Variants in CNTNAP2 observed in about 807,000 individuals in gnomAD.
CNTNAP2 encodes contactin-associated protein-like 2.
Under a neutral mutation model 155.2 loss-of-function variants are expected in CNTNAP2, and 98 were observed. The ratio of observed to expected loss-of-function variants is 0.63; its 90% confidence interval spans 0.54 to 0.75. The LOEUF (loss-of-function observed/expected upper bound fraction) is 0.75, where lower values mean the gene tolerates loss of function less well. Ranked by LOEUF, CNTNAP2 falls within the 30% of genes least tolerant of loss-of-function variation. The pLI is 0.00. For synonymous variants in CNTNAP2, 651 were observed against 631.2 expected (o/e 1.03, Z -0.47); for missense variants, 1,727 against 1,688.1 (o/e 1.02, Z -0.40).
chr7:148,100,732 C>T (rs1201571640), intron 15 of CNTNAP2, among the ~76,000 whole-genome samples: 1 of 152,276 alleles, frequency 6.6e-6, no homozygotes, highest in African/African-American at 2.4e-5. Flanking sequence ...TAAATGTATA[C>T]ATTGTGGTTA....
At chr7:148,300,783 A>G (rs10229146) in intron 21 of CNTNAP2, among the ~76,000 whole-genome samples, 57,150 of 152,018 alleles carry the variant, frequency 0.38, 11,739 homozygotes, top group South Asian at 0.56. Flanking sequence ...CAAATACTGT[A>G]TGATTCCATT....
At chr7:147,556,546 A>C (rs889788551) in intron 11 of CNTNAP2, among the ~76,000 whole-genome samples, 1 of 152,192 alleles carries the variant, frequency 6.6e-6, no homozygotes, top group South Asian at 2.1e-4. Flanking sequence ...GAAAGAGACT[A>C]TGAAAGCAGA....
chr7:147,519,049 A>G (rs915929984), intron 11 of CNTNAP2, among the ~76,000 whole-genome samples: 1 of 148,214 alleles, frequency 6.7e-6, no homozygotes, highest in African/African-American at 2.5e-5. Context: ...AAAAAAAATT[A>G]TGCTGCAGTT....
chr7:146,658,503 T>A (rs923067183), intron 1 of CNTNAP2, among the ~76,000 whole-genome samples: 14 of 152,164 alleles, frequency 9.2e-5, no homozygotes, highest in Admixed American at 6.5e-5. Flanking sequence ...TTTTGTTTAC[T>A]TCTGCATGGA....
intron 10 of CNTNAP2, among the ~76,000 whole-genome samples, chr7:147,398,504 A>G (rs1029398117): frequency 2.0e-5 from 3 of 151,190 alleles, no homozygotes; most frequent in African/African-American, 7.3e-5. Flanking sequence ...TCACAGCTGC[A>G]ATGATTTGAT....
chr7:146,131,563 A>T (rs1246012988), intron 1 of CNTNAP2, among the ~76,000 whole-genome samples: 1 of 152,218 alleles, frequency 6.6e-6, no homozygotes, highest in East Asian at 1.9e-4. Context: ...GTGTTATAAC[A>T]AGATTGTTTC....
At chr7:146,328,948 GTTGT>G (rs1441662120) in intron 1 of CNTNAP2, among the ~76,000 whole-genome samples, 2 of 152,142 alleles carry the variant, frequency 1.3e-5, no homozygotes, top group Admixed American at 6.5e-5. Flanking sequence ...GGACACGTAG[GTTGT>G]TTATGTATTT....
At chr7:147,487,700 A>G (rs959043382) in intron 11 of CNTNAP2, among the ~76,000 whole-genome samples, 1 of 115,736 alleles carries the variant, frequency 8.6e-6, no homozygotes, top group Non-Finnish European at 1.7e-5. Flanking sequence ...CACAGCAAAA[A>G]GGCAAAAAAA....
At chr7:146,208,477 T>C (rs879605935) in intron 1 of CNTNAP2, among the ~76,000 whole-genome samples, 8 of 152,076 alleles carry the variant, frequency 5.3e-5, no homozygotes, top group Non-Finnish European at 1.0e-4. Flanking sequence ...GGCATGTCCT[T>C]ACCCTTTGAT....
intron 2 of CNTNAP2, among the ~76,000 whole-genome samples, chr7:146,821,173 T>TA (rs1402468406): frequency 6.6e-6 from 1 of 152,202 alleles, no homozygotes; most frequent in Non-Finnish European, 1.5e-5. Flanking sequence ...CATTTAAAGT[T>TA]AATATTGTTA....
chr7:147,953,392 T>C (rs73743668), intron 14 of CNTNAP2, among the ~76,000 whole-genome samples: 1 of 152,078 alleles, frequency 6.6e-6, no homozygotes. Flanking sequence ...CCACAGATGC[T>C]CTTCTTTCCT....
intron 13 of CNTNAP2, among the ~76,000 whole-genome samples, chr7:147,665,180 A>T (rs1379910915): frequency 2.0e-5 from 3 of 152,170 alleles, no homozygotes; most frequent in African/African-American, 7.2e-5. Flanking sequence ...CTGAAACTAT[A>T]GGTGTATTTT....
intron 3 of CNTNAP2, among the ~76,000 whole-genome samples, chr7:146,852,011 A>G (rs981541883): frequency 6.6e-6 from 1 of 151,842 alleles, no homozygotes; most frequent in Non-Finnish European, 1.5e-5. Flanking sequence ...TATGGCATTC[A>G]TTTTACAAAA....
intron 8 of CNTNAP2, among the ~76,000 whole-genome samples, chr7:147,149,744 A>C (rs1261591628): frequency 6.6e-6 from 1 of 152,214 alleles, no homozygotes; most frequent in Non-Finnish European, 1.5e-5. Flanking sequence ...TAGATAGAAC[A>C]GAAGGTTATA....
chr7:146,689,795 C>A (rs1316187954), intron 1 of CNTNAP2, among the ~76,000 whole-genome samples: 1 of 151,968 alleles, frequency 6.6e-6, no homozygotes, highest in Non-Finnish European at 1.5e-5. Flanking sequence ...TTTCTGGAAA[C>A]TTTTATGTGA....
intron 1 of CNTNAP2, among the ~76,000 whole-genome samples, chr7:146,154,402 A>G (rs1584775994): frequency 6.6e-6 from 1 of 152,136 alleles, no homozygotes; most frequent in Non-Finnish European, 1.5e-5. Context: ...TTGTTTCATC[A>G]TATGCACCAG....
At position 146,744,632 on chromosome 7, in the gene CNTNAP2, C is replaced by T. The variant is rs151124705; in HGVS notation, c.98-29639C>T. Among the ~76,000 whole-genome samples, 283 of 152,306 alleles carry T rather than the reference C, an allele frequency of 1.9e-3. 1 individual carries two copies. Among genetic ancestry groups the T allele is most frequent in the African/African-American group, 6.4e-3 (268 of 41,580 alleles). ...TTAAGCTGCCAGTAACTTTCTCCCT[C>T]TGTTTAATAGTTTACCAAGACCTCC... On this transcript the variant is annotated intron_variant, in intron 1 of 23. Transcript: ENST00000361727.
At chr7:147,314,407 A>AGAGTCTTGCTCTGTCCCCCAGG (rs1264327990) in intron 9 of CNTNAP2, among the ~76,000 whole-genome samples, 47 of 151,730 alleles carry the variant, frequency 3.1e-4, no homozygotes, top group Non-Finnish European at 4.3e-4. Context: ...TATCTCATTC[A>AGAGTCTTGCTCTGTCCCCCAGG]CTGAAGTTAA....
intron 1 of CNTNAP2, among the ~76,000 whole-genome samples, chr7:146,713,579 T>C (rs778221679): frequency 6.6e-6 from 1 of 152,202 alleles, no homozygotes; most frequent in Non-Finnish European, 1.5e-5. Flanking sequence ...ATTGTTGCTA[T>C]GTATCTCTAT....
Sources: allele counts gnomAD v4.1 joint callset (sites outside exome capture counted in the v4.1 genomes callset), GRCh38; gene constraint gnomAD v4.1.1; transcripts MANE v1.5; gene names NCBI Gene and HGNC (gene_info 2026-07-23, HGNC 2026-07-21).